DEPDC5: variants seen among roughly 807,000 people sequenced by gnomAD.
DEPDC5 encodes the protein DEP domain containing 5, GATOR1 subcomplex subunit, also known as GATOR1 complex protein DEPDC5.
Under a neutral mutation model 217.3 loss-of-function variants are expected in DEPDC5, and 73 were observed. The observed-to-expected ratio is 0.34, with a 90% CI of 0.28 to 0.41. The LOEUF (loss-of-function observed/expected upper bound fraction) is 0.41. DEPDC5 is among the 10% of genes least tolerant of loss of function. The probability of loss-of-function intolerance (pLI) is 1.00; values close to 1 mark genes in which losing one functional copy is unlikely to be tolerated. For missense variants in DEPDC5, 1,675 were observed against 2,070.1 expected, an observed-to-expected ratio of 0.81 and a Z score of 3.70; for synonymous variants, 733 against 756.7, an observed-to-expected ratio of 0.97 and a Z score of 0.51.
intron 39 of DEPDC5, among the ~76,000 whole-genome samples, chr22:31,895,508 T>A (rs1319653393): frequency 6.6e-6 from 1 of 152,178 alleles, no homozygotes; most frequent in East Asian, 1.9e-4. Context: ...AGTGTGCCAC[T>A]CCTTTTTATA....
At chr22:31,864,774 C>T (rs186855812) in intron 33 of DEPDC5, among the ~76,000 whole-genome samples, 21 of 151,754 alleles carry the variant, frequency 1.4e-4, no homozygotes, top group African/African-American at 3.1e-4. Context: ...CTGTAACCTC[C>T]GCCTCCTGGG....
chr22:31,770,322 A>G (rs1189745590), intron 7 of DEPDC5, among the ~76,000 whole-genome samples: 2 of 151,924 alleles, frequency 1.3e-5, no homozygotes, highest in Non-Finnish European at 2.9e-5. Flanking sequence ...CTCCCCAGAA[A>G]CAACTTGTTT....
chr22:31,864,530 ATATT>A (rs1036933217), intron 33 of DEPDC5, among the ~76,000 whole-genome samples: 26 of 139,052 alleles, frequency 1.9e-4, no homozygotes, highest in Admixed American at 5.1e-4. Flanking sequence ...ATATATTTAT[ATATT>A]TATTTATTTA....
At chr22:31,859,772 A>G (rs1244683644) in intron 32 of DEPDC5, among the ~76,000 whole-genome samples, 1 of 152,224 alleles carries the variant, frequency 6.6e-6, no homozygotes, top group Non-Finnish European at 1.5e-5. Context: ...TAGTTTACCA[A>G]CTGCTGCTCT....
chr22:31,889,474 G>A (rs936128075), intron 38 of DEPDC5, among the ~76,000 whole-genome samples: 3 of 151,170 alleles, frequency 2.0e-5, no homozygotes, highest in Admixed American at 6.6e-5. Flanking sequence ...GAATATCCTC[G>A]TCTTTGTGAC....
chr22:31,773,794 G>A (rs1282194239), intron 7 of DEPDC5, among the ~76,000 whole-genome samples: 2 of 152,114 alleles, frequency 1.3e-5, no homozygotes, highest in Admixed American at 6.6e-5. Context: ...CACATGAGCC[G>A]GGTGTGGTGG....
intron 15 of DEPDC5, 41 bp from the exon 16 acceptor site, chr22:31,804,121 C>T: frequency 6.3e-7 from 1 of 1,597,102 alleles, no homozygotes; most frequent in Non-Finnish European, 8.6e-7. Flanking sequence ...TTGTCTCTGC[C>T]ATTCCCTCCC....
At chr22:31,808,994 C>T (rs2148691933) in intron 18 of DEPDC5, among the ~76,000 whole-genome samples, 1 of 151,924 alleles carries the variant, frequency 6.6e-6, no homozygotes, top group Admixed American at 6.6e-5. Flanking sequence ...TCTCAAACTC[C>T]TGGGCCCAAG....
intron 24 of DEPDC5, among the ~76,000 whole-genome samples, chr22:31,823,821 A>G (rs1042870926): frequency 1.3e-5 from 2 of 152,234 alleles, no homozygotes; most frequent in Non-Finnish European, 1.5e-5. Flanking sequence ...TCTCAAACCA[A>G]TAGCCAGGTA....
chr22:31,873,414 G>A, intron 35 of DEPDC5, 82 bp downstream of exon 35: 1 of 1,487,988 alleles, frequency 6.7e-7, no homozygotes. Context: ...TGGTTTGGTA[G>A]ATTTGTACAT....
rs1243625701 is a variant in DEPDC5 at position 31,804,924 on chromosome 22, G to C, written c.1217+9G>C. The stretch of plus-strand genomic sequence containing the variant: ...CACTGGATAAACCACAGGTGGGTGC[G>C]ATCTCGATCAATAGTAGGTGATAAG... On this transcript the variant is annotated intron_variant, in intron 17 of 42. Coordinates refer to ENST00000651528, the MANE Select transcript of DEPDC5 (RefSeq NM_001242896.3). 1.4e-5 allele frequency: 22 copies of C among 1,611,216 alleles called. No individual in the cohort carries two copies. The East Asian group carries it at 4.5e-4, about 33-fold the overall frequency.
At chr22:31,790,267 T>C (rs1433126340) in intron 10 of DEPDC5, among the ~76,000 whole-genome samples, 1 of 152,168 alleles carries the variant, frequency 6.6e-6, no homozygotes, top group African/African-American at 2.4e-5. Flanking sequence ...TTGAATTCTG[T>C]AGTCACTAAG....
intron 20 of DEPDC5, 72 bp downstream of exon 20, chr22:31,810,713 C>G: frequency 6.4e-7 from 1 of 1,566,744 alleles, no homozygotes; most frequent in Non-Finnish European, 8.6e-7. Flanking sequence ...GTAGTGACCT[C>G]TAAGAGAGCA....
intron 38 of DEPDC5, among the ~76,000 whole-genome samples, chr22:31,887,209 A>C (rs1418011834): frequency 6.6e-6 from 1 of 152,030 alleles, no homozygotes; most frequent in African/African-American, 2.4e-5. Flanking sequence ...ACCTAAGGTC[A>C]GGATTTCGAG....
At chr22:31,898,598 GA>G (rs1187646973) in intron 40 of DEPDC5, among the ~76,000 whole-genome samples, 1 of 152,178 alleles carries the variant, frequency 6.6e-6, no homozygotes, top group Non-Finnish European at 1.5e-5. Flanking sequence ...ATCAGCGGCA[GA>G]GAACCAGCCC....
chr22:31,852,729 T>A (rs890117580), intron 31 of DEPDC5, among the ~76,000 whole-genome samples: 24 of 152,308 alleles, frequency 1.6e-4, no homozygotes, highest in African/African-American at 5.1e-4. Context: ...TACTCTTTTT[T>A]AAAAAAACAA....
chr22:31,815,651 T>C, intron 21 of DEPDC5: 1 of 571,094 alleles, frequency 1.8e-6, no homozygotes, highest in Non-Finnish European at 3.0e-6. Context: ...CTCCCACTTC[T>C]GCCTCCCAAG....
intron 31 of DEPDC5, among the ~76,000 whole-genome samples, chr22:31,855,380 CT>C (rs56923919): frequency 1.1e-3 from 147 of 137,066 alleles, no homozygotes; most frequent in Non-Finnish European, 8.9e-4. Context: ...CAAAATATTT[CT>C]TTTTTTTTTT....
At chr22:31,877,451 A>AC (rs2093029767) in intron 37 of DEPDC5, among the ~76,000 whole-genome samples, 1 of 139,640 alleles carries the variant, frequency 7.2e-6, no homozygotes, top group South Asian at 2.2e-4. Flanking sequence ...AAAAAAAAAA[A>AC]AAAAAAAAAA....
Sources: allele counts gnomAD v4.1 joint callset (sites outside exome capture counted in the v4.1 genomes callset), GRCh38; gene constraint gnomAD v4.1.1; transcripts MANE v1.5; gene names NCBI Gene and HGNC (gene_info 2026-07-23, HGNC 2026-07-21).